The following GHR variants were observed in gnomAD, a reference collection of about 807,000 sequenced individuals.
The protein encoded by GHR is GH receptor.
Under a neutral mutation model 67.1 loss-of-function variants are expected in GHR, and 35 were observed. The observed-to-expected ratio is 0.52, with a 90% CI of 0.40 to 0.69. The LOEUF is 0.69. Among genes scored for constraint, GHR ranks in the 30% least tolerant of loss-of-function variants. GHR has a pLI of 0.00. For synonymous variants in GHR, 272 were observed against 269.1 expected (o/e 1.01, Z -0.10); for missense variants, 792 against 764.6 (o/e 1.04, Z -0.42).
intron 2 of GHR, among the ~76,000 whole-genome samples, chr5:42,624,064 A>G (rs980492248): frequency 1.5e-4 from 23 of 152,328 alleles, no homozygotes; most frequent in African/African-American, 4.6e-4. Context: ...ATAAATCTGT[A>G]GTCTTTCCAT....
intron 8 of GHR, among the ~76,000 whole-genome samples, chr5:42,717,177 G>A (rs1254239844): frequency 2.0e-4 from 31 of 152,110 alleles, no homozygotes. Context: ...AGCACACCCT[G>A]TAGTCCTAGC....
intron 1 of GHR, among the ~76,000 whole-genome samples, chr5:42,535,997 T>C (rs182357507): frequency 6.6e-6 from 1 of 152,294 alleles, no homozygotes; most frequent in Non-Finnish European, 1.5e-5. Flanking sequence ...AGCTACTGAT[T>C]TGTGTACATT....
intron 2 of GHR, among the ~76,000 whole-genome samples, chr5:42,568,397 T>A (rs922699505): frequency 6.6e-6 from 1 of 152,206 alleles, no homozygotes; most frequent in African/African-American, 2.4e-5. Context: ...CAAAGCCAGT[T>A]ACATAGTCTA....
intron 1 of GHR, among the ~76,000 whole-genome samples, chr5:42,484,245 G>C (rs1203333808): frequency 6.6e-6 from 1 of 152,200 alleles, no homozygotes; most frequent in Non-Finnish European, 1.5e-5. Context: ...ATGAAATGCT[G>C]TTCTTTGGAC....
chr5:42,566,469 A>G (rs929597639), intron 2 of GHR, among the ~76,000 whole-genome samples: 1 of 152,222 alleles, frequency 6.6e-6, no homozygotes, highest in African/African-American at 2.4e-5. Flanking sequence ...GTTGAATGAT[A>G]TACCCAGAAA....
At chr5:42,512,205 T>G (rs1215648234) in intron 1 of GHR, among the ~76,000 whole-genome samples, 1 of 152,114 alleles carries the variant, frequency 6.6e-6, no homozygotes, top group East Asian at 1.9e-4. Context: ...GGACAAGGCT[T>G]CACAAGGGTG....
chr5:42,485,250 A>G (rs549709562), intron 1 of GHR, among the ~76,000 whole-genome samples: 3 of 152,138 alleles, frequency 2.0e-5, no homozygotes, highest in Admixed American at 6.5e-5. Context: ...CTTTACCTCT[A>G]TGGTCTTCCA....
At chr5:42,483,589 T>C (rs1342117661) in intron 1 of GHR, among the ~76,000 whole-genome samples, 1 of 152,124 alleles carries the variant, frequency 6.6e-6, no homozygotes, top group Non-Finnish European at 1.5e-5. Context: ...AGGGAAGTCA[T>C]GTATGTTATC....
intron 3 of GHR, among the ~76,000 whole-genome samples, chr5:42,660,824 A>T (rs952617208): frequency 2.0e-5 from 3 of 152,216 alleles, no homozygotes; most frequent in African/African-American, 7.2e-5. Context: ...TACAGGAGGA[A>T]ATTGAAACCA....
intron 2 of GHR, among the ~76,000 whole-genome samples, chr5:42,585,862 C>A (rs1302036588): frequency 1.3e-5 from 2 of 152,016 alleles, no homozygotes; most frequent in Non-Finnish European, 2.9e-5. Context: ...GGCTGGATAG[C>A]ATGAAGGCAT....
chr5:42,663,080 T>C (rs937153058), intron 3 of GHR, among the ~76,000 whole-genome samples: 3 of 151,988 alleles, frequency 2.0e-5, no homozygotes, highest in African/African-American at 4.8e-5. Context: ...AATAACAGGC[T>C]CTGAAATTGT....
intron 6 of GHR, among the ~76,000 whole-genome samples, chr5:42,708,958 A>G (rs1758315761): frequency 6.6e-6 from 1 of 152,212 alleles, no homozygotes; most frequent in Admixed American, 6.5e-5. Flanking sequence ...GACAAAGACC[A>G]GGGGCTTATA....
At chr5:42,637,935 GTTGTTTGTTTGT>G (rs141831785) in intron 3 of GHR, among the ~76,000 whole-genome samples, 1 of 151,900 alleles carries the variant, frequency 6.6e-6, no homozygotes, top group South Asian at 2.1e-4. Flanking sequence ...CTATAATATG[GTTGTTTGTTTGT>G]TTGTTTGTTT....
intron 1 of GHR, among the ~76,000 whole-genome samples, chr5:42,445,797 AT>A (rs993360976): frequency 1.8e-4 from 28 of 152,128 alleles, no homozygotes; most frequent in African/African-American, 6.0e-4. Context: ...AGAAAGCAAA[AT>A]TTTTTTGTTG....
chr5:42,592,225 A>G (rs1580007642), intron 2 of GHR, among the ~76,000 whole-genome samples: 1 of 152,048 alleles, frequency 6.6e-6, no homozygotes, highest in African/African-American at 2.4e-5. Context: ...TTCTGCCCCT[A>G]TCTGCCATCT....
At chr5:42,572,329 G>A (rs113613305) in intron 2 of GHR, among the ~76,000 whole-genome samples, 8 of 152,206 alleles carry the variant, frequency 5.3e-5, no homozygotes, top group South Asian at 4.2e-4. Context: ...GTGCACCTTC[G>A]TCTTTTCCAA....
chr5:42,488,449 G>C (rs149703678), intron 1 of GHR, among the ~76,000 whole-genome samples: 1 of 152,094 alleles, frequency 6.6e-6, no homozygotes, highest in Non-Finnish European at 1.5e-5. Flanking sequence ...ATTCTTATTT[G>C]CTCTCTGAAA....
chr5:42,591,680 A>C (rs1047208070), intron 2 of GHR, among the ~76,000 whole-genome samples: 5 of 151,946 alleles, frequency 3.3e-5, no homozygotes, highest in African/African-American at 1.2e-4. Context: ...CAGACTCAGC[A>C]CTTGTCCACT....
At chr5:42,712,328 A>T (rs1292227864) in intron 7 of GHR, among the ~76,000 whole-genome samples, 1 of 152,000 alleles carries the variant, frequency 6.6e-6, no homozygotes. Flanking sequence ...TCTGGCCTTA[A>T]AAGTACAATA....
Sources: gnomAD v4.1 joint callset for allele counts (sites outside exome capture counted in the v4.1 genomes callset) on GRCh38, gnomAD v4.1.1 for gene constraint, MANE v1.5 for transcripts, NCBI Gene and HGNC (gene_info 2026-07-23, HGNC 2026-07-21) for gene names.